Variants in ATP6V0A2 observed in about 807,000 individuals in gnomAD.
ATP6V0A2 encodes the protein V-type proton ATPase 116 kDa subunit a 2.
A neutral mutation model predicts 104.4 loss-of-function variants in ATP6V0A2; 58 were observed. That is an observed-to-expected ratio of 0.56 (90% CI 0.45 to 0.69). The LOEUF (loss-of-function observed/expected upper bound fraction) is 0.69. ATP6V0A2 is among the 30% of genes least tolerant of loss of function. The pLI, the probability that ATP6V0A2 is intolerant of heterozygous loss-of-function variation, is 0.00. For missense variants in ATP6V0A2, 938 were observed against 1,062.9 expected (o/e 0.88, Z 1.63); for synonymous variants, 376 against 397.9 (o/e 0.95, Z 0.65).
Position 123,713,507 on chromosome 12 carries a change from G to C in ATP6V0A2, c.117+825G>C, listed in dbSNP as rs561207730. On this transcript the variant is annotated intron_variant, in intron 1 of 19. Coordinates refer to ENST00000330342, the MANE Select transcript of ATP6V0A2 (RefSeq NM_012463.4). ...GCAGTCCTTGGCAGTCATTGGCATC[G>C]ATAGGCATTTGTTGAATGAACAGAC... 2.0e-5 allele frequency among the ~76,000 whole-genome samples: 3 copies of C among 152,184 alleles called. No individual in the cohort carries two copies. The South Asian group carries it at 6.2e-4, about 32-fold the overall frequency.
chr12:123,744,054 A>G lies in ATP6V0A2; in HGVS notation c.1189+119A>G. On this transcript the variant is annotated intron_variant, in intron 10 of 19. Coordinates refer to ENST00000330342, the MANE Select transcript of ATP6V0A2 (RefSeq NM_012463.4). The surrounding 1 kb of genome is among the most constrained non-coding windows in gnomAD (Gnocchi z 5.4). ...CCATTACTTTTTTGCTATCTTATTT[A>G]AAAGTATAAGGTTTTAAATGTAACC... The G allele has an allele frequency of 6.4e-7, 1 of 1,551,516 alleles. No homozygotes were observed. The highest frequency in any genetic ancestry group is 2.2e-5 in the East Asian group (1 of 44,586).
At chr12:123,733,700 G>A in intron 6 of ATP6V0A2, 2 of 548,502 alleles carry the variant, frequency 3.6e-6, no homozygotes, top group East Asian at 3.1e-5. Flanking sequence ...CGGGTGTCGG[G>A]TGCCTAAAAG....
At chr12:123,751,474 G>A (rs540404554) in intron 16 of ATP6V0A2, among the ~76,000 whole-genome samples, 1 of 152,086 alleles carries the variant, frequency 6.6e-6, no homozygotes, top group South Asian at 2.1e-4. Context: ...GGGCAACATG[G>A]CGAAACCCTG....
chr12:123,718,801 A>C, intron 2 of ATP6V0A2, 100 bp downstream of exon 2: 4 of 806,384 alleles, frequency 5.0e-6, no homozygotes, highest in Non-Finnish European at 8.0e-6. Context: ...AGCAGAAAGG[A>C]AAAAAAGAAA....
At chr12:123,757,041 C>G (rs537432885) in intron 19 of ATP6V0A2, 55 bp downstream of exon 19, 28 of 1,587,694 alleles carry the variant, frequency 1.8e-5, no homozygotes, top group East Asian at 8.9e-5. Flanking sequence ...CCCGCCCCCC[C>G]ACTGCCCCGC....
chr12:123,745,045 C>A, intron 13 of ATP6V0A2, 73 bp downstream of exon 13: 1 of 1,430,170 alleles, frequency 7.0e-7, no homozygotes, highest in Non-Finnish European at 9.9e-7. Flanking sequence ...CCACGAGTTT[C>A]TCTAGACTGT....
chr12:123,744,924 A>G lies in ATP6V0A2; in HGVS notation c.1557A>G (p.Pro519=). The change falls in exon 13 of 20, where the codon CCA becomes CCG. Residue 519 remains proline (P), a synonymous_variant. Transcript: ENST00000330342. The surrounding 1 kb of genome is among the most constrained non-coding windows in gnomAD (Gnocchi z 5.4). Reference sequence around the variant, plus strand: ...ACAACAGCATTTTGCAGCTGGATCCAAGCATTCCTGGAGTGTTCCGAGGCC... The same window carrying G: ...ACAACAGCATTTTGCAGCTGGATCCGAGCATTCCTGGAGTGTTCCGAGGCC... ...VRHNSILQLD[P]SIPGVFRGPY... 6.2e-7 allele frequency: 1 copy of G among 1,614,212 alleles called. No homozygotes were observed. Among genetic ancestry groups the G allele is most frequent in the Non-Finnish European group, 8.5e-7 (1 of 1,180,030 alleles).
Position 123,744,964 on chromosome 12 carries a change from A to G in ATP6V0A2, c.1597A>G (p.Ile533Val), listed in dbSNP as rs746129120. ...GTTCCGAGGCCCTTATCCCCTTGGC[A>G]TTGATCCTGTGAGTGCACCACGCTC... ...GVFRGPYPLG[I>V]DPIWNLATNR... Residue 533 changes from isoleucine to valine, a missense_variant, in exon 13 of 20, where the codon ATT (isoleucine) becomes GTT (valine). Transcript: ENST00000330342. This position sits in a 1 kb window ranked among gnomAD's most constrained non-coding sequence, Gnocchi z 5.4. The G allele has an allele frequency of 1.9e-6, 3 of 1,614,160 alleles. No homozygotes were observed. The highest frequency in any genetic ancestry group is 1.7e-6 in the Non-Finnish European group (2 of 1,179,998).
rs747071278 is a variant in ATP6V0A2 at position 123,744,854 on chromosome 12, A to G, written c.1515-28A>G. The G allele has an allele frequency of 1.2e-6, 2 of 1,614,070 alleles. No individual in the cohort carries two copies. Among genetic ancestry groups the G allele is most frequent in the Non-Finnish European group, 1.7e-6 (2 of 1,179,952 alleles). Reference sequence around the variant, plus strand: ...TCCTAGACCTTCCTCCTCCCAGGTCAGCCTCCTCACTCTGCTTTTTGTTAC... The same window carrying G: ...TCCTAGACCTTCCTCCTCCCAGGTCGGCCTCCTCACTCTGCTTTTTGTTAC... On this transcript the variant is annotated intron_variant, in intron 12 of 19. Coordinates refer to ENST00000330342, the MANE Select transcript of ATP6V0A2 (RefSeq NM_012463.4). This position sits in a 1 kb window ranked among gnomAD's most constrained non-coding sequence, Gnocchi z 5.4.
At chr12:123,728,261 T>C (rs919480138) in intron 6 of ATP6V0A2, among the ~76,000 whole-genome samples, 3 of 152,116 alleles carry the variant, frequency 2.0e-5, no homozygotes, top group African/African-American at 7.2e-5. Context: ...AACTTTCTTT[T>C]TTTCTTAAGG....
Position 123,733,963 on chromosome 12 carries a change from T to C in ATP6V0A2, c.686T>C (p.Phe229Ser). 1 of 1,613,542 alleles carries C rather than the reference T, an allele frequency of 6.2e-7. No individual in the cohort carries two copies. The highest frequency in any genetic ancestry group is 8.5e-7 in the Non-Finnish European group (1 of 1,179,476). The stretch of plus-strand genomic sequence containing the variant: ...AAATGGTATGTCTTTTTAATATCCT[T>C]TTGGGGAGAGCAGATTGGCCACAAG... ...VIKWYVFLIS[F>S]WGEQIGHKVK... Residue 229 changes from phenylalanine (F) to serine (S), a missense_variant, in exon 7 of 20, where the codon TTT (phenylalanine) becomes TCT (serine). By Grantham distance (155) the Phe-to-Ser change is radical. Transcript: ENST00000330342.
intron 14 of ATP6V0A2, 150 bp downstream of exon 14, chr12:123,747,875 C>G (rs988206637): frequency 6.2e-6 from 4 of 642,548 alleles, no homozygotes; most frequent in Admixed American, 5.4e-5. Context: ...TTTAGATTTT[C>G]TGTGGTTTCA....
At chr12:123,741,069 G>A (rs1302926813) in intron 9 of ATP6V0A2, among the ~76,000 whole-genome samples, 2 of 151,958 alleles carry the variant, frequency 1.3e-5, no homozygotes, top group Middle Eastern at 3.4e-3. Flanking sequence ...TCTACTCCTT[G>A]GCTTTTTTCT....
intron 13 of ATP6V0A2, 48 bp downstream of exon 13, chr12:123,745,020 A>G (rs1458980522): frequency 6.4e-7 from 1 of 1,569,702 alleles, no homozygotes; most frequent in Non-Finnish European, 8.8e-7. Context: ...CTGTGGTGCC[A>G]CCTAGCTTCG....
chr12:123,749,302 C>T (rs186754263), intron 15 of ATP6V0A2, among the ~76,000 whole-genome samples: 2 of 152,282 alleles, frequency 1.3e-5, no homozygotes, highest in African/African-American at 2.4e-5. Context: ...CCAAAACCAA[C>T]AAAACTGGTG....
chr12:123,724,546 A>G (rs911064271), intron 3 of ATP6V0A2, 108 bp from the exon 4 acceptor site: 5 of 1,283,986 alleles, frequency 3.9e-6, no homozygotes, highest in Non-Finnish European at 4.4e-6. Context: ...AAAAAAAGAA[A>G]AAAACAAAAC....
At chr12:123,752,491 T>TA in intron 17 of ATP6V0A2, 89 bp downstream of exon 17, 4 of 1,525,246 alleles carry the variant, frequency 2.6e-6, no homozygotes, top group Middle Eastern at 1.9e-4. Flanking sequence ...TTAATCATCT[T>TA]AAAAAATGGT....
chr12:123,751,658 T>C (rs910177934), intron 16 of ATP6V0A2, among the ~76,000 whole-genome samples: 3 of 151,698 alleles, frequency 2.0e-5, no homozygotes, highest in Non-Finnish European at 4.4e-5. Context: ...TGTCTCAAAA[T>C]AAATAAGTAA....
intron 15 of ATP6V0A2, chr12:123,750,908 T>C (rs1225198801): frequency 4.7e-6 from 3 of 632,806 alleles, no homozygotes; most frequent in Non-Finnish European, 8.3e-6. Context: ...TACCACAGGG[T>C]CATTAATGTT....
Sources: allele counts gnomAD v4.1 joint callset (sites outside exome capture counted in the v4.1 genomes callset), GRCh38; gene constraint gnomAD v4.1.1; non-coding constraint Gnocchi (gnomAD v3.1); transcripts MANE v1.5; gene names NCBI Gene and HGNC (gene_info 2026-07-23, HGNC 2026-07-21).